Variants in MATN2 observed in about 807,000 individuals in gnomAD.
MATN2 encodes the protein matrilin-2.
Under a neutral mutation model 103.2 loss-of-function variants are expected in MATN2, and 69 were observed. The observed-to-expected ratio is 0.67, with a 90% confidence interval of 0.55 to 0.82. The LOEUF is 0.82. Among genes scored for constraint, MATN2 ranks in the 40% least tolerant of loss-of-function variants. MATN2 has a pLI of 0.00. For synonymous variants in MATN2, 429 were observed against 450.2 expected (o/e 0.95, Z 0.60); for missense variants, 1,023 against 1,211.5 (o/e 0.84, Z 2.31).
intron 1 of MATN2, among the ~76,000 whole-genome samples, chr8:97,870,215 T>G (rs574867641): frequency 1.3e-5 from 2 of 152,078 alleles, no homozygotes; most frequent in South Asian, 4.2e-4. Flanking sequence ...CACAGAACTG[T>G]GAGGATTAAA....
At chr8:98,013,448 T>C (rs773547097) in intron 10 of MATN2, among the ~76,000 whole-genome samples, 7 of 152,218 alleles carry the variant, frequency 4.6e-5, no homozygotes, top group Non-Finnish European at 1.0e-4. Flanking sequence ...TTACCCTCAA[T>C]TTTCAGAATA....
intron 4 of MATN2, among the ~76,000 whole-genome samples, chr8:97,956,573 A>T (rs2444879): frequency 6.6e-6 from 1 of 152,182 alleles, no homozygotes; most frequent in Non-Finnish European, 1.5e-5. Context: ...GACACGGAGG[A>T]GGTGGTTACT....
At chr8:98,009,995 C>T (rs1318150850) in intron 10 of MATN2, among the ~76,000 whole-genome samples, 1 of 152,194 alleles carries the variant, frequency 6.6e-6, no homozygotes, top group Non-Finnish European at 1.5e-5. Context: ...GCCCCTGGCA[C>T]AGGGTCCGCT....
intron 7 of MATN2, among the ~76,000 whole-genome samples, chr8:97,995,503 T>C (rs1470463888): frequency 6.6e-6 from 1 of 152,194 alleles, no homozygotes; most frequent in African/African-American, 2.4e-5. Flanking sequence ...ACTGAATTGT[T>C]TGGGGTCTGC....
At chr8:98,020,930 G>A in intron 12 of MATN2, 1 of 278,120 alleles carries the variant, frequency 3.6e-6, no homozygotes, top group East Asian at 8.1e-5. Flanking sequence ...TGTGGCAAAA[G>A]AAATTAGAAG....
chr8:97,895,889 A>G (rs1818790946), intron 2 of MATN2, among the ~76,000 whole-genome samples: 1 of 152,224 alleles, frequency 6.6e-6, no homozygotes, highest in Admixed American at 6.5e-5. Flanking sequence ...CTAGACAGAA[A>G]AGGTGCTCAA....
intron 17 of MATN2, 112 bp from the exon 18 acceptor site, chr8:98,033,449 T>C: frequency 1.5e-6 from 1 of 674,282 alleles, no homozygotes; most frequent in South Asian, 2.2e-5. Flanking sequence ...ATGGAAAAAG[T>C]GGAACATGTC....
rs138329435 is a variant in MATN2 at position 97,913,312 on chromosome 8, C to T, written c.143-17641C>T. ...AGTGCCAATGGACATGGACAGCAAT[C>T]GATTTTTTTTTTTTTTTTTTGAGAT... On this transcript the variant is annotated intron_variant, in intron 2 of 18. Coordinates refer to ENST00000254898, the MANE Select transcript of MATN2 (RefSeq NM_002380.5). Among the ~76,000 whole-genome samples, 1,192 of 147,234 alleles carry T rather than the reference C, an allele frequency of 8.1e-3. 18 individuals carry two copies. Among genetic ancestry groups the T allele is most frequent in the African/African-American group, 0.028 (1,128 of 40,696 alleles).
At chr8:97,910,970 T>G (rs1222055710) in intron 2 of MATN2, among the ~76,000 whole-genome samples, 1 of 151,992 alleles carries the variant, frequency 6.6e-6, no homozygotes, top group African/African-American at 2.4e-5. Context: ...GGAACATCTC[T>G]ATTTAACTTA....
At chr8:97,935,517 T>C (rs992889) in intron 3 of MATN2, among the ~76,000 whole-genome samples, 1 of 152,124 alleles carries the variant, frequency 6.6e-6, no homozygotes, top group Non-Finnish European at 1.5e-5. Context: ...TTTTATTTGT[T>C]TGTTTTATTT....
intron 2 of MATN2, among the ~76,000 whole-genome samples, chr8:97,901,185 G>A (rs1818968107): frequency 6.6e-6 from 1 of 152,038 alleles, no homozygotes; most frequent in Admixed American, 6.5e-5. Context: ...CCAAAGTGAA[G>A]AAGAATAGGA....
rs1245143248 is a variant in MATN2 at position 97,943,114 on chromosome 8, T to C, written c.835+1215T>C. 2.0e-5 allele frequency among the ~76,000 whole-genome samples: 3 copies of C among 151,970 alleles called. No homozygotes were observed. The East Asian group carries it at 5.8e-4, about 29-fold the overall frequency. The stretch of plus-strand genomic sequence containing the variant: ...CTTCCTCAAAATCCATAACAAAAAC[T>C]CACTCCCACCGAATACTCATGGGTT... On this transcript the variant is annotated intron_variant, in intron 4 of 18. Coordinates refer to ENST00000254898, the MANE Select transcript of MATN2 (RefSeq NM_002380.5).
At chr8:97,959,123 A>G (rs1356574794) in intron 4 of MATN2, among the ~76,000 whole-genome samples, 1 of 152,134 alleles carries the variant, frequency 6.6e-6, no homozygotes, top group Non-Finnish European at 1.5e-5. Flanking sequence ...CCTACCTCGC[A>G]TGTTAGTTAT....
At chr8:97,991,077 A>G (rs1480590009) in intron 6 of MATN2, among the ~76,000 whole-genome samples, 3 of 152,230 alleles carry the variant, frequency 2.0e-5, no homozygotes, top group Non-Finnish European at 4.4e-5. Flanking sequence ...CTATGTCATA[A>G]AACACAAAGA....
intron 14 of MATN2, among the ~76,000 whole-genome samples, chr8:98,030,125 A>G (rs1361991021): frequency 6.6e-6 from 1 of 152,210 alleles, no homozygotes. Flanking sequence ...AGAGATTCCC[A>G]TTTAGCAAGC....
At position 98,014,206 on chromosome 8, in the gene MATN2, A is replaced by T. The variant is rs144595562; in HGVS notation, c.1574-2334A>T. 6.2e-4 allele frequency among the ~76,000 whole-genome samples: 95 copies of T among 152,292 alleles called. No individual in the cohort carries two copies. In the East Asian group the frequency reaches 0.018, roughly 29 times the overall value. On this transcript the variant is annotated intron_variant, in intron 10 of 18. Transcript: ENST00000254898. The stretch of plus-strand genomic sequence containing the variant: ...AAGGGCTTAGGGGTCTGTCTGGATT[A>T]TGGCTTGACAAGGTTGACGTGAAAG...
At chr8:97,885,002 T>A (rs1473547340) in intron 1 of MATN2, among the ~76,000 whole-genome samples, 2 of 152,254 alleles carry the variant, frequency 1.3e-5, no homozygotes, top group Non-Finnish European at 2.9e-5. Flanking sequence ...TTGCTTTGTT[T>A]ATTTTTAACT....
chr8:97,903,049 C>T (rs983328645), intron 2 of MATN2, among the ~76,000 whole-genome samples: 2 of 152,056 alleles, frequency 1.3e-5, no homozygotes, highest in African/African-American at 2.4e-5. Flanking sequence ...GACACTGGGC[C>T]CATGAGAAGT....
intron 6 of MATN2, among the ~76,000 whole-genome samples, chr8:97,994,123 GAAGGGAGA>G (rs1563713848): frequency 1.4e-5 from 2 of 145,108 alleles, no homozygotes; most frequent in African/African-American, 5.1e-5. Context: ...AGGAAGGAAG[GAAGGGAGA>G]GAGAGGAAGG....
Sources: allele counts gnomAD v4.1 joint callset (sites outside exome capture counted in the v4.1 genomes callset), GRCh38; gene constraint gnomAD v4.1.1; transcripts MANE v1.5; gene names NCBI Gene and HGNC (gene_info 2026-07-23, HGNC 2026-07-21).